The following GSTT4 variants were observed in gnomAD, a reference collection of about 807,000 sequenced individuals.
GSTT4 encodes glutathione S-transferase theta 4.
chr22:24,004,718 C>T (rs999694957), intron 1 of GSTT4: 3 of 153,834 alleles, frequency 2.0e-5, no homozygotes, highest in South Asian at 4.1e-4. Flanking sequence ...TCCCCCTTCT[C>T]CTCGAAAAGC....
the GSTT4 span, among the ~76,000 whole-genome samples, chr22:23,992,395 G>A: frequency 6.7e-6 from 1 of 148,666 alleles, no homozygotes; most frequent in Non-Finnish European, 1.5e-5. Context: ...CAAGGATGTG[G>A]GATAGTAGCT....
chr22:24,002,508 G>T (rs1328221517), intron 2 of GSTT4, among the ~76,000 whole-genome samples: 2 of 152,272 alleles, frequency 1.3e-5, no homozygotes, highest in Non-Finnish European at 2.9e-5. Context: ...TTAAAAAGTG[G>T]CAGGAGAGAC....
chr22:23,991,553 A>G, the GSTT4 span: 4 of 68,432 alleles, frequency 5.8e-5, no homozygotes, highest in Non-Finnish European at 9.3e-5. Context: ...GGGGCGGCGG[A>G]CAGGAACGGC....
chr22:24,001,941 A>G (rs1186781575), intron 2 of GSTT4, among the ~76,000 whole-genome samples: 2 of 152,266 alleles, frequency 1.3e-5, no homozygotes, highest in East Asian at 1.9e-4. Context: ...TAGTGAGCCA[A>G]GATTGTGCCA....
At chr22:23,996,060 T>C (rs1156636874), downstream of GSTT4, among the ~76,000 whole-genome samples, 1 of 151,928 alleles carries the variant, frequency 6.6e-6, no homozygotes, top group South Asian at 2.1e-4. Context: ...TCTCCTGCCT[T>C]TGCCTCCTGA....
chr22:23,991,985 G>T, the GSTT4 span, among the ~76,000 whole-genome samples: 3 of 143,042 alleles, frequency 2.1e-5, no homozygotes, highest in African/African-American at 7.6e-5. Flanking sequence ...CCCGGGAGGC[G>T]GAGCTTGCAG....
chr22:23,997,316 G>T (rs1024915593), downstream of GSTT4, among the ~76,000 whole-genome samples: 1 of 151,858 alleles, frequency 6.6e-6, no homozygotes. Context: ...TCTTGGACTC[G>T]AGTGATCCTC....
At chr22:23,998,184 C>T (rs184683678), downstream of GSTT4, among the ~76,000 whole-genome samples, 34 of 137,144 alleles carry the variant, frequency 2.5e-4, no homozygotes, top group Non-Finnish European at 4.2e-4. Flanking sequence ...ATTGGTTAAT[C>T]GTGCTTTTCA....
chr22:23,995,543 T>C (rs2034107926), downstream of GSTT4, among the ~76,000 whole-genome samples: 1 of 152,184 alleles, frequency 6.6e-6, no homozygotes, highest in Admixed American at 6.5e-5. Flanking sequence ...TTTTAACATT[T>C]CTTCCATGGA....
chr22:23,996,506 G>A (rs1270135116), downstream of GSTT4, among the ~76,000 whole-genome samples: 1 of 152,152 alleles, frequency 6.6e-6, no homozygotes, highest in Non-Finnish European at 1.5e-5. Context: ...TTTTTGTCAA[G>A]TTGAGGAAGT....
chr22:23,996,489 T>C (rs1209616162), downstream of GSTT4, among the ~76,000 whole-genome samples: 2 of 152,186 alleles, frequency 1.3e-5, no homozygotes, highest in Non-Finnish European at 2.9e-5. Context: ...AGGTTTTTCA[T>C]AGATGCTTTT....
chr22:23,998,375 G>A (rs1240888277), downstream of GSTT4: 1 of 152,150 alleles, frequency 6.6e-6, no homozygotes, highest in Admixed American at 6.6e-5. Flanking sequence ...CTATGCATAT[G>A]CCAACTGTCT....
the GSTT4 span, among the ~76,000 whole-genome samples, chr22:23,992,863 G>C: frequency 1.0e-4 from 15 of 149,282 alleles, no homozygotes; most frequent in African/African-American, 3.5e-4. Context: ...CTGCAGCCTC[G>C]ACCTGGGCTC....
rs1232729994 is a variant in GSTT4, at chr22:23,998,440, G to GTTT, written c.*99_*101dup. ...GTTCTTTATTAGGCAAAGAACAGTT[G>GTTT]TTTTTTTGTTTTTTTGTTTTTTTTT... On this transcript the variant is annotated 3_prime_UTR_variant, in exon 5 of 5. Coordinates refer to ENST00000621179, the MANE Select transcript of GSTT4 (RefSeq NM_001358664.2). 5 of 140,018 alleles carry GTTT rather than the reference G, an allele frequency of 3.6e-5. No homozygotes were observed. The East Asian group carries it at 8.7e-4, about 24-fold the overall frequency. The allele number at this position is 140,018 out of a possible 1,614,324, so 8.7% of individuals were successfully genotyped here. A position where few individuals can be genotyped will look rare whatever the true frequency, so the allele number is the denominator to read the frequency against.
rs1569037646 is a variant in GSTT4, at chr22:23,998,441, TTTTTTTGTTTTTTTG to T, written c.*86_*100del. On this transcript the variant is annotated 3_prime_UTR_variant, in exon 5 of 5. Coordinates refer to ENST00000621179, the MANE Select transcript of GSTT4 (RefSeq NM_001358664.2). ...TTCTTTATTAGGCAAAGAACAGTTGTTTTTTTGTTTTTTTGTTTTTTTTTTTTTAACATTTCCTTT... is the reference window on the plus strand; with the variant it reads ...TTCTTTATTAGGCAAAGAACAGTTGTTTTTTTTTTTTTTAACATTTCCTTT... 1 of 24,762 alleles carries T rather than the reference TTTTTTTGTTTTTTTG, an allele frequency of 4.0e-5. No homozygotes were observed. Among genetic ancestry groups the T allele is most frequent in the East Asian group, 4.9e-4 (1 of 2,040 alleles). 1.5% of individuals were successfully genotyped at this position (24,762 alleles called of 1,614,324 possible). A position where few individuals can be genotyped will look rare whatever the true frequency, so the allele number is the denominator to read the frequency against.
chr22:24,002,242 T>G (rs1416126919), intron 2 of GSTT4, among the ~76,000 whole-genome samples: 9 of 151,978 alleles, frequency 5.9e-5, no homozygotes, highest in Non-Finnish European at 1.0e-4. Flanking sequence ...TGGTGCTGGA[T>G]GGAGGGTGAG....
chr22:23,992,127 G>A, the GSTT4 span, among the ~76,000 whole-genome samples: 1 of 143,314 alleles, frequency 7.0e-6, no homozygotes, highest in Non-Finnish European at 1.5e-5. Context: ...TGGGCCCAGT[G>A]CCCAGGACGG....
chr22:24,001,443 C>T (rs879632816), intron 2 of GSTT4, 118 bp from the exon 3 acceptor site: 304 of 153,524 alleles, frequency 2.0e-3, no homozygotes, highest in Middle Eastern at 0.014. Context: ...GGAGCCCAAA[C>T]GGCCCCGAGA....
chr22:24,005,084 G>A (rs1255567200), intron 1 of GSTT4, 161 bp downstream of exon 1: 1 of 152,262 alleles, frequency 6.6e-6, no homozygotes, highest in Non-Finnish European at 1.5e-5. Flanking sequence ...AGACGCACTT[G>A]AACCCAGCAG....
Sources: gnomAD v4.1 joint callset for allele counts (sites outside exome capture counted in the v4.1 genomes callset) on GRCh38, gnomAD v4.1.1 for gene constraint, MANE v1.5 for transcripts, NCBI Gene and HGNC (gene_info 2026-07-23, HGNC 2026-07-21) for gene names.